Variants in PDE1C observed in about 807,000 individuals in gnomAD.
PDE1C encodes the protein dual specificity calcium/calmodulin-dependent 3',5'-cyclic nucleotide phosphodiesterase 1C.
A neutral mutation model predicts 93.1 loss-of-function variants in PDE1C; 62 were observed. The ratio of observed to expected loss-of-function variants is 0.67; its 90% CI spans 0.54 to 0.82. The LOEUF (loss-of-function observed/expected upper bound fraction) is 0.82, where lower values mean the gene tolerates loss of function less well. Ranked by LOEUF, PDE1C falls within the 40% of genes least tolerant of loss-of-function variation. The pLI is 0.00. For missense variants in PDE1C, 742 were observed against 884.6 expected (o/e 0.84, Z 2.04); for synonymous variants, 325 against 310.1 (o/e 1.05, Z -0.50).
chr7:31,625,230 C>G, the PDE1C span, among the ~76,000 whole-genome samples: 297 of 151,944 alleles, frequency 2.0e-3, 1 homozygote, highest in African/African-American at 6.9e-3. Context: ...CCTCAGGGAT[C>G]TAGAATTACA....
At chr7:32,374,179 A>AAAGAAAGAAAG (rs1554313955) in intron 1 of PDE1C, among the ~76,000 whole-genome samples, 1,379 of 31,238 alleles carry the variant, frequency 0.044, 39 homozygotes, top group African/African-American at 0.077. Flanking sequence ...AGAAAGAAAG[A>AAAGAAAGAAAG]AAGAAAGAAA....
At chr7:31,874,709 T>G (rs1218049132) in intron 5 of PDE1C, among the ~76,000 whole-genome samples, 3 of 152,240 alleles carry the variant, frequency 2.0e-5, no homozygotes, top group Non-Finnish European at 4.4e-5. Context: ...TCACACTTAG[T>G]GGTAACCTCA....
chr7:31,990,974 C>T (rs1234173381), intron 2 of PDE1C, among the ~76,000 whole-genome samples: 1 of 152,160 alleles, frequency 6.6e-6, no homozygotes, highest in Non-Finnish European at 1.5e-5. Context: ...ATGTGGATAG[C>T]AAATAAGGTT....
chr7:32,183,730 C>T (rs1191026696), intron 2 of PDE1C, among the ~76,000 whole-genome samples: 3 of 152,166 alleles, frequency 2.0e-5, no homozygotes, highest in African/African-American at 7.2e-5. Flanking sequence ...CCATTGAGGA[C>T]ATAGGCATGG....
chr7:32,338,512 A>G (rs1049928856), intron 1 of PDE1C, among the ~76,000 whole-genome samples: 8 of 152,322 alleles, frequency 5.3e-5, no homozygotes, highest in Admixed American at 5.2e-4. Context: ...GATGTAGAAA[A>G]CTGGAGCTCT....
At chr7:31,846,610 A>G (rs1316397847) in intron 9 of PDE1C, among the ~76,000 whole-genome samples, 1 of 152,168 alleles carries the variant, frequency 6.6e-6, no homozygotes, top group Non-Finnish European at 1.5e-5. Flanking sequence ...AATGGCAACA[A>G]CAGCCAGAAT....
chr7:32,185,468 C>G (rs1329056499), intron 2 of PDE1C, among the ~76,000 whole-genome samples: 1 of 152,084 alleles, frequency 6.6e-6, no homozygotes, highest in Middle Eastern at 3.4e-3. Context: ...AATAAAATTG[C>G]CTATAAAACT....
At chr7:32,131,566 C>A (rs974206334) in intron 3 of PDE1C, among the ~76,000 whole-genome samples, 1 of 152,066 alleles carries the variant, frequency 6.6e-6, no homozygotes, top group Non-Finnish European at 1.5e-5. Flanking sequence ...GTCAATGAGG[C>A]CTATTGGGCC....
rs181036304 is a variant in PDE1C, at chr7:32,211,215, A to G, written c.86-1676T>C. Among the ~76,000 whole-genome samples, 82 of 152,346 alleles carry G rather than the reference A, an allele frequency of 5.4e-4. 1 individual carries two copies. Among genetic ancestry groups the G allele is most frequent in the African/African-American group, 1.8e-3 (76 of 41,580 alleles). ...CAAAAGCGAAACTCTATCTCAAAAA[A>G]TAAAAAGAAAGAAATTAAATAATTA... On this transcript the variant is annotated intron_variant, in intron 1 of 18. Coordinates refer to the PDE1C transcript ENST00000396193.
intron 16 of PDE1C, among the ~76,000 whole-genome samples, chr7:31,803,118 G>A (rs1223201957): frequency 1.3e-5 from 2 of 151,152 alleles, no homozygotes; most frequent in Non-Finnish European, 3.0e-5. Context: ...TATTGCTATC[G>A]TTTTGCTACT....
intron 1 of PDE1C, among the ~76,000 whole-genome samples, chr7:32,358,601 C>T (rs1263258737): frequency 6.6e-6 from 1 of 152,050 alleles, no homozygotes; most frequent in Non-Finnish European, 1.5e-5. Context: ...ACTCTGCATC[C>T]CCAGAGTCAG....
intron 16 of PDE1C, chr7:31,790,311 C>A (rs531689017): frequency 1.3e-6 from 2 of 1,488,122 alleles, no homozygotes; most frequent in Admixed American, 3.4e-5. Context: ...TTTCCCCCCG[C>A]CCACCTCCAC....
intron 2 of PDE1C, among the ~76,000 whole-genome samples, chr7:31,907,089 G>T (rs1307031504): frequency 4.6e-5 from 7 of 151,868 alleles, no homozygotes; most frequent in African/African-American, 1.7e-4. Flanking sequence ...GTGTGTGTGT[G>T]TGTGTGTGTT....
At chr7:32,181,698 G>A (rs941147272) in intron 2 of PDE1C, among the ~76,000 whole-genome samples, 4 of 151,852 alleles carry the variant, frequency 2.6e-5, no homozygotes, top group Non-Finnish European at 5.9e-5. Context: ...GAGAAAGCAG[G>A]AAAGATCTAA....
At chr7:31,883,102 A>G (rs555111494) in intron 2 of PDE1C, among the ~76,000 whole-genome samples, 4 of 152,246 alleles carry the variant, frequency 2.6e-5, no homozygotes, top group Non-Finnish European at 5.9e-5. Flanking sequence ...GTCAAACATC[A>G]AAAAGCAATT....
intron 2 of PDE1C, among the ~76,000 whole-genome samples, chr7:31,955,440 T>G (rs951200301): frequency 1.3e-5 from 2 of 152,144 alleles, no homozygotes; most frequent in Non-Finnish European, 2.9e-5. Context: ...AACAAAATGC[T>G]GAAACCATCA....
the PDE1C span, among the ~76,000 whole-genome samples, chr7:31,722,608 A>G: frequency 6.6e-6 from 1 of 152,206 alleles, no homozygotes; most frequent in South Asian, 2.1e-4. Context: ...ATGTGCCTCC[A>G]AGGAATGATG....
chr7:32,239,726 G>A (rs925783617), intron 1 of PDE1C, among the ~76,000 whole-genome samples: 1 of 152,196 alleles, frequency 6.6e-6, no homozygotes, highest in African/African-American at 2.4e-5. Flanking sequence ...AGACCAGAAA[G>A]TAGGTCACAG....
upstream of PDE1C, among the ~76,000 whole-genome samples, chr7:32,073,529 C>T (rs1232785368): frequency 1.3e-5 from 2 of 152,168 alleles, no homozygotes; most frequent in Non-Finnish European, 2.9e-5. Context: ...AGTACAGAGT[C>T]CACCTCTGCC....
Sources: gnomAD v4.1 joint callset for allele counts (sites outside exome capture counted in the v4.1 genomes callset) on GRCh38, gnomAD v4.1.1 for gene constraint, MANE v1.5 for transcripts, NCBI Gene and HGNC (gene_info 2026-07-23, HGNC 2026-07-21) for gene names.